The following RIPOR2 variants were observed in gnomAD, a reference collection of about 807,000 sequenced individuals.
RIPOR2 encodes RHO family interacting cell polarization regulator 2.
Under a neutral mutation model 114.5 loss-of-function variants are expected in RIPOR2, and 39 were observed. That is an observed-to-expected ratio of 0.34 (90% CI 0.26 to 0.44). The LOEUF (loss-of-function observed/expected upper bound fraction) is 0.44, where lower values mean the gene tolerates loss of function less well. Ranked by LOEUF, RIPOR2 falls within the 20% of genes least tolerant of loss-of-function variation. The pLI is 1.00. For synonymous variants in RIPOR2, 445 were observed against 484.4 expected, an observed-to-expected ratio of 0.92 and a Z score of 1.07; for missense variants, 1,007 against 1,255.1, an observed-to-expected ratio of 0.80 and a Z score of 2.99.
intron 1 of RIPOR2, among the ~76,000 whole-genome samples, chr6:24,961,207 G>A (rs1773289643): frequency 6.6e-6 from 1 of 152,194 alleles, no homozygotes; most frequent in Non-Finnish European, 1.5e-5. Flanking sequence ...TTTATAGGCT[G>A]TTAAAGTGCC....
chr6:24,983,390 C>G (rs1484335875), intron 1 of RIPOR2, among the ~76,000 whole-genome samples: 3 of 152,112 alleles, frequency 2.0e-5, no homozygotes, highest in Admixed American at 6.6e-5. Flanking sequence ...GCTTTGGAAT[C>G]TGATCTGGGT....
Position 24,832,370 on chromosome 6 carries a change from T to C in RIPOR2, c.2230A>G (p.Thr744Ala), listed in dbSNP as rs1483641735. 6.4e-7 allele frequency: 1 copy of C among 1,552,024 alleles called. No individual in the cohort carries two copies. Among genetic ancestry groups the C allele is most frequent in the South Asian group, 1.2e-5 (1 of 84,046 alleles). Residue 744 changes from threonine to alanine, a missense_variant, in exon 16 of 22, where the codon ACC (threonine) becomes GCC (alanine). Coordinates refer to ENST00000643898, the MANE Select transcript of RIPOR2 (RefSeq NM_001286445.3). ...LVQQIVFSSKTPFVARSLLEK... is the reference protein window; with the variant it reads ...LVQQIVFSSKAPFVARSLLEK... Reference sequence around the variant, plus strand: ...AAGAGACTTCTTGCCACAAATGGGGTTTTGCTTGAGAAAACAATTTGCTGG... The same window carrying C: ...AAGAGACTTCTTGCCACAAATGGGGCTTTGCTTGAGAAAACAATTTGCTGG...
intron 1 of RIPOR2, among the ~76,000 whole-genome samples, chr6:25,001,523 G>T (rs1775316341): frequency 6.6e-6 from 1 of 150,426 alleles, no homozygotes. Context: ...TACTCAGGAG[G>T]CTGAGGCAGG....
intron 21 of RIPOR2, among the ~76,000 whole-genome samples, chr6:24,808,756 T>A (rs972964087): frequency 4.6e-4 from 31 of 67,660 alleles, no homozygotes; most frequent in African/African-American, 1.2e-3. Context: ...TTATTTATAC[T>A]TTTTTCTTTT....
intron 14 of RIPOR2, among the ~76,000 whole-genome samples, chr6:24,837,136 T>G (rs967022360): frequency 1.3e-5 from 2 of 152,344 alleles, no homozygotes; most frequent in African/African-American, 4.8e-5. Context: ...TTTATTATTT[T>G]TTTTGAGACG....
rs1182271801 is a variant in RIPOR2 at position 24,839,142 on chromosome 6, A to G, written c.1988T>C (p.Val663Ala). The G allele has an allele frequency of 9.7e-6, 15 of 1,551,682 alleles. No individual in the cohort carries two copies. Among genetic ancestry groups the G allele is most frequent in the Non-Finnish European group, 1.2e-5 (14 of 1,146,966 alleles). The stretch of plus-strand genomic sequence containing the variant: ...AAATACTGAGTCAGCACCTCCGCCA[A>G]CATTACAAACCTCATCACCATCCTC... ...EEEDGDEVCNVGGGADSVFSD... is the reference protein window; with the variant it reads ...EEEDGDEVCNAGGGADSVFSD... Residue 663 changes from valine to alanine, a missense_variant, in exon 14 of 22, where the codon GTT becomes GCT. By Grantham distance (64) the Val-to-Ala change is moderately conservative. Coordinates refer to ENST00000643898, the MANE Select transcript of RIPOR2 (RefSeq NM_001286445.3).
intron 1 of RIPOR2, among the ~76,000 whole-genome samples, chr6:25,035,539 T>C (rs1777201125): frequency 6.6e-6 from 1 of 152,186 alleles, no homozygotes; most frequent in African/African-American, 2.4e-5. Context: ...CGGTTTCTGC[T>C]GTGGTCTGGG....
intron 1 of RIPOR2, among the ~76,000 whole-genome samples, chr6:24,911,411 C>G (rs1018281419): frequency 6.6e-6 from 1 of 151,856 alleles, no homozygotes; most frequent in African/African-American, 2.4e-5. Flanking sequence ...GCCCTTTCAG[C>G]TAACCTTTTG....
At chr6:25,039,256 C>T (rs562575272) in intron 1 of RIPOR2, among the ~76,000 whole-genome samples, 1 of 152,288 alleles carries the variant, frequency 6.6e-6, no homozygotes, top group East Asian at 1.9e-4. Flanking sequence ...AGCGTCCTTC[C>T]CTCGCAGGTG....
chr6:24,884,833 T>TA (rs1399418706), intron 1 of RIPOR2, among the ~76,000 whole-genome samples: 3 of 152,244 alleles, frequency 2.0e-5, no homozygotes, highest in Non-Finnish European at 4.4e-5. Context: ...ATTTCTGCTT[T>TA]AAAACACAGA....
At chr6:24,820,257 TC>T (rs1759561207) in intron 19 of RIPOR2, among the ~76,000 whole-genome samples, 1 of 152,130 alleles carries the variant, frequency 6.6e-6, no homozygotes, top group Non-Finnish European at 1.5e-5. Context: ...GATCTCAAAC[TC>T]CTGACCTTGT....
At chr6:24,938,862 C>A (rs905586964), upstream of RIPOR2, among the ~76,000 whole-genome samples, 6 of 152,178 alleles carry the variant, frequency 3.9e-5, no homozygotes, top group Admixed American at 6.5e-5. Flanking sequence ...GACATACATG[C>A]ATGATGTGTT....
rs76151498 is a variant in RIPOR2 at position 24,943,692 on chromosome 6, A to G, written c.77-67875T>C. On this transcript the variant is annotated intron_variant, in intron 1 of 13. Transcript: ENST00000510784. The stretch of plus-strand genomic sequence containing the variant: ...TACCAGCTTCCACACACTTCACCTT[A>G]TCTCTGTGGTAGCCTTGAAAATCAG... Among the ~76,000 whole-genome samples the G allele has an allele frequency of 6.2e-4, 95 of 152,204 alleles. 1 individual carries two copies. In the South Asian group the frequency reaches 0.016, roughly 25 times the overall value.
At chr6:24,923,855 TA>T (rs1260806794) in intron 1 of RIPOR2, among the ~76,000 whole-genome samples, 4 of 151,452 alleles carry the variant, frequency 2.6e-5, no homozygotes, top group East Asian at 1.9e-4. Context: ...CTCAAAAAAA[TA>T]AAATAAATAA....
chr6:24,905,289 G>A (rs1342837751), intron 1 of RIPOR2, among the ~76,000 whole-genome samples: 1 of 151,570 alleles, frequency 6.6e-6, no homozygotes, highest in African/African-American at 2.4e-5. Flanking sequence ...CTGCAACTGA[G>A]CCCTGATGAA....
chr6:25,016,614 C>G (rs1776016368), intron 1 of RIPOR2, among the ~76,000 whole-genome samples: 1 of 152,160 alleles, frequency 6.6e-6, no homozygotes, highest in Non-Finnish European at 1.5e-5. Context: ...CATTAAGTAA[C>G]TAGAGATGGA....
intron 1 of RIPOR2, among the ~76,000 whole-genome samples, chr6:24,963,985 G>A (rs548624134): frequency 3.5e-4 from 53 of 152,192 alleles, no homozygotes; most frequent in African/African-American, 1.2e-3. Context: ...CTGGACTAAA[G>A]CGATCCTCCC....
chr6:24,934,829 C>A (rs754642350), intron 1 of RIPOR2, among the ~76,000 whole-genome samples: 2 of 152,154 alleles, frequency 1.3e-5, no homozygotes, highest in Non-Finnish European at 2.9e-5. Flanking sequence ...AAATCGCAAC[C>A]TTTACAGTTA....
chr6:25,008,132 A>G (rs1205265954), intron 1 of RIPOR2, among the ~76,000 whole-genome samples: 1 of 152,178 alleles, frequency 6.6e-6, no homozygotes, highest in Non-Finnish European at 1.5e-5. Flanking sequence ...ATGGTCCCCC[A>G]AACACATCCA....
Sources: allele counts gnomAD v4.1 joint callset (sites outside exome capture counted in the v4.1 genomes callset), GRCh38; gene constraint gnomAD v4.1.1; transcripts MANE v1.5; gene names NCBI Gene and HGNC (gene_info 2026-07-23, HGNC 2026-07-21).